The following ZNF710 variants were observed in gnomAD, a reference collection of about 807,000 sequenced individuals.
ZNF710 encodes zinc finger protein 710.
ZNF710 carries 13 observed loss-of-function variants against 50.6 expected under a neutral mutation model. That is an observed-to-expected ratio of 0.26 (90% CI 0.17 to 0.41). ZNF710 has a LOEUF of 0.41. Among genes scored for constraint, ZNF710 ranks in the 10% least tolerant of loss-of-function variants. The pLI is 1.00. For synonymous variants in ZNF710, 383 were observed against 397.0 expected, an observed-to-expected ratio of 0.96 and a Z score of 0.42; for missense variants, 721 against 936.6, an observed-to-expected ratio of 0.77 and a Z score of 3.01.
At chr15:90,015,137 C>T (rs1898416817) in intron 1 of ZNF710, among the ~76,000 whole-genome samples, 1 of 152,100 alleles carries the variant, frequency 6.6e-6, no homozygotes, top group East Asian at 1.9e-4. Context: ...GTGATCCACC[C>T]GCCTCAGCCT....
At chr15:90,053,268 A>T (rs1899701560) in intron 1 of ZNF710, among the ~76,000 whole-genome samples, 1 of 151,998 alleles carries the variant, frequency 6.6e-6, no homozygotes, top group South Asian at 2.1e-4. Flanking sequence ...CCTGTGTCTC[A>T]TTCACACAAG....
At chr15:90,032,510 G>A (rs1898978893) in intron 1 of ZNF710, among the ~76,000 whole-genome samples, 1 of 152,112 alleles carries the variant, frequency 6.6e-6, no homozygotes, top group South Asian at 2.1e-4. Flanking sequence ...GGGCACGGTG[G>A]CTCATGCCTG....
chr15:90,002,191 C>T (rs1295358672), intron 1 of ZNF710, among the ~76,000 whole-genome samples: 1 of 151,442 alleles, frequency 6.6e-6, no homozygotes, highest in Non-Finnish European at 1.5e-5. Flanking sequence ...ACTTTATTCT[C>T]GGAGCGGGTG....
chr15:90,043,167 G>A (rs1313355578), intron 1 of ZNF710, among the ~76,000 whole-genome samples: 2 of 152,230 alleles, frequency 1.3e-5, no homozygotes, highest in Admixed American at 6.5e-5. Context: ...GGGTGGACAC[G>A]GCCCAGGCAG....
At chr15:90,037,767 TGCTTAAAGATGA>T (rs780492022) in intron 1 of ZNF710, among the ~76,000 whole-genome samples, 10 of 152,186 alleles carry the variant, frequency 6.6e-5, no homozygotes, top group Non-Finnish European at 7.3e-5. Flanking sequence ...CCAGAATCTG[TGCTTAAAGATGA>T]GGGATGTCGG....
At chr15:90,013,606 C>T (rs1013094159) in intron 1 of ZNF710, among the ~76,000 whole-genome samples, 2 of 152,250 alleles carry the variant, frequency 1.3e-5, no homozygotes, top group Non-Finnish European at 2.9e-5. Flanking sequence ...CACATAAGAG[C>T]CTGCCAATGA....
chr15:90,034,105 G>A lies in ZNF710; in HGVS notation c.-29+32491G>A, dbSNP rs553780139. 4.6e-5 allele frequency among the ~76,000 whole-genome samples: 7 copies of A among 152,170 alleles called. No individual in the cohort carries two copies. In the East Asian group the frequency reaches 1.2e-3, roughly 25 times the overall value. On this transcript the variant is annotated intron_variant, in intron 1 of 4. Transcript: ENST00000268154. This position sits in a 1 kb window ranked among gnomAD's most constrained non-coding sequence, Gnocchi z 4.0. ...CCCAGCTACTCGGGAGGCTGAGGTG[G>A]GAGAATCGCTTGAACCCAGGAGGCA...
chr15:90,071,044 C>T (rs978252309), intron 2 of ZNF710, among the ~76,000 whole-genome samples: 17 of 152,248 alleles, frequency 1.1e-4, no homozygotes, highest in African/African-American at 4.1e-4. Flanking sequence ...GGGCAGATCA[C>T]AAGGTCAGGA....
rs555417040 is a variant in ZNF710, at chr15:90,064,329, G to A, written c.-28-2781G>A. ...CCCTAACCCATAGCAGGGATTTAGCGGCTATTTATTGTACAAATGAATGAA... is the reference window on the plus strand; with the variant it reads ...CCCTAACCCATAGCAGGGATTTAGCAGCTATTTATTGTACAAATGAATGAA... On this transcript the variant is annotated intron_variant, in intron 1 of 4. Transcript: ENST00000268154. Among the ~76,000 whole-genome samples, 15 of 152,344 alleles carry A rather than the reference G, an allele frequency of 9.8e-5. No homozygotes were observed. In the East Asian group the frequency reaches 2.3e-3, roughly 23 times the overall value.
intron 4 of ZNF710, chr15:90,075,064 C>G (rs892022279): frequency 3.1e-5 from 5 of 161,148 alleles, no homozygotes; most frequent in African/African-American, 1.2e-4. Context: ...TAGCGGTAGC[C>G]TTTCCCTCCA....
chr15:90,038,165 C>A (rs1172314165), intron 1 of ZNF710, among the ~76,000 whole-genome samples: 1 of 152,192 alleles, frequency 6.6e-6, no homozygotes. Flanking sequence ...GTGTGCCATG[C>A]AGATCAGGAG....
rs147085685 is a variant in ZNF710, at chr15:90,068,160, C to T, written c.1023C>T (p.His341=). 11 of 1,614,106 alleles carry T rather than the reference C, an allele frequency of 6.8e-6. No individual in the cohort carries two copies. The highest frequency in any genetic ancestry group is 1.3e-5 in the African/African-American group (1 of 74,956). Reference sequence around the variant, plus strand: ...AGCAGCCCAGCCACCTGCAGACGCACCTGCTGACGCACCAGGGCACCCGGC... The same window carrying T: ...AGCAGCCCAGCCACCTGCAGACGCATCTGCTGACGCACCAGGGCACCCGGC... The part of the protein sequence containing the change: ...LFKQPSHLQT[H]LLTHQGTRPH... The change falls in exon 2 of 5, where the codon CAC becomes CAT. Residue 341 remains histidine, a synonymous_variant. Coordinates refer to ENST00000268154, the MANE Select transcript of ZNF710 (RefSeq NM_198526.4). This position sits in a 1 kb window ranked among gnomAD's most constrained non-coding sequence, Gnocchi z 5.0.
chr15:90,030,196 G>A (rs2151483319), intron 1 of ZNF710, among the ~76,000 whole-genome samples: 1 of 151,678 alleles, frequency 6.6e-6, no homozygotes, highest in East Asian at 2.0e-4. Flanking sequence ...GGATGTGGTG[G>A]TGCATGCCTG....
At chr15:90,028,810 C>T (rs892168155) in intron 1 of ZNF710, among the ~76,000 whole-genome samples, 13 of 152,070 alleles carry the variant, frequency 8.5e-5, no homozygotes, top group Non-Finnish European at 1.9e-4. Context: ...TGATCGATTA[C>T]GGACATGCAA....
chr15:90,037,139 A>G (rs1899153027), intron 1 of ZNF710, among the ~76,000 whole-genome samples: 1 of 152,122 alleles, frequency 6.6e-6, no homozygotes, highest in South Asian at 2.1e-4. Context: ...GAGTGTCTCA[A>G]TCCTGGTGCA....
intron 2 of ZNF710, among the ~76,000 whole-genome samples, chr15:90,071,684 T>A (rs1327073770): frequency 6.7e-6 from 1 of 149,246 alleles, no homozygotes. Context: ...TTACTCTTTT[T>A]TTTTTTTTTT....
chr15:90,039,332 A>G (rs1281404334), intron 1 of ZNF710, among the ~76,000 whole-genome samples: 1 of 151,736 alleles, frequency 6.6e-6, no homozygotes, highest in East Asian at 1.9e-4. Flanking sequence ...TGATGATTTC[A>G]CTGGCAGGGC....
chr15:90,073,452 T>A (rs1900466300), intron 3 of ZNF710, among the ~76,000 whole-genome samples, 190 bp downstream of exon 3: 1 of 152,130 alleles, frequency 6.6e-6, no homozygotes, highest in Admixed American at 6.5e-5. Context: ...TGAAAGCTGC[T>A]GAAGTTGGGT....
chr15:90,001,139 A>T (rs1234346511), upstream of ZNF710, among the ~76,000 whole-genome samples: 1 of 152,252 alleles, frequency 6.6e-6, no homozygotes, highest in Non-Finnish European at 1.5e-5. Context: ...CAGGAGAAAG[A>T]AAACCCTTCA....
Sources: gnomAD v4.1 joint callset for allele counts (sites outside exome capture counted in the v4.1 genomes callset) on GRCh38, gnomAD v4.1.1 for gene constraint, Gnocchi (gnomAD v3.1) non-coding constraint, MANE v1.5 for transcripts, NCBI Gene and HGNC (gene_info 2026-07-23, HGNC 2026-07-21) for gene names.